HLCS: variants seen among roughly 807,000 people sequenced by gnomAD.
HLCS encodes the protein holocarboxylase synthetase, also known as biotin--protein ligase.
HLCS carries 53 observed loss-of-function variants against 75.0 expected under a neutral mutation model. The observed-to-expected ratio is 0.71, with a 90% CI of 0.57 to 0.89. The LOEUF (loss-of-function observed/expected upper bound fraction) is 0.89. HLCS is among the 40% of genes least tolerant of loss of function. The probability of loss-of-function intolerance (pLI) is 0.00; values close to 1 mark genes in which losing one functional copy is unlikely to be tolerated. For synonymous variants in HLCS, 431 were observed against 428.6 expected, an observed-to-expected ratio of 1.01 and a Z score of -0.07; for missense variants, 966 against 1,074.0, an observed-to-expected ratio of 0.90 and a Z score of 1.41.
At chr21:36,937,823 T>C (rs1398683118) in intron 3 of HLCS, among the ~76,000 whole-genome samples, 5 of 152,214 alleles carry the variant, frequency 3.3e-5, no homozygotes, top group Non-Finnish European at 7.3e-5. Context: ...TCTCAAGACA[T>C]GCCATAGGAT....
In HLCS at chr21:36,767,231, C is replaced by T. The variant is rs1031377645; in HGVS notation, c.1947G>A (p.Gln649=). 4 of 1,614,208 alleles carry T rather than the reference C, an allele frequency of 2.5e-6. No homozygotes were observed. The highest frequency in any genetic ancestry group is 3.4e-6 in the Non-Finnish European group (4 of 1,180,022). ...AAGATGACTGACCTTTGCCCTCGGT[C>T]TGCCGGGCCGCGATCACTATTAAGC... is the stretch of plus-strand genomic sequence containing the variant. ...EMGLIVIAAR[Q]TEGKGRGGNV... The change falls in exon 7 of 11, where the codon CAG becomes CAA. Residue 649 remains glutamine, a synonymous_variant. Coordinates refer to ENST00000674895, the MANE Select transcript of HLCS (RefSeq NM_001352514.2).
intron 6 of HLCS, among the ~76,000 whole-genome samples, chr21:36,851,158 T>G (rs1282994351): frequency 6.6e-6 from 1 of 152,068 alleles, no homozygotes; most frequent in Non-Finnish European, 1.5e-5. Flanking sequence ...TACCATACAA[T>G]CCAGCAATCC....
intron 6 of HLCS, among the ~76,000 whole-genome samples, chr21:36,871,471 C>T (rs1477832335): frequency 6.6e-6 from 1 of 152,092 alleles, no homozygotes; most frequent in East Asian, 1.9e-4. Flanking sequence ...GGGACACAGG[C>T]ACCACCACAG....
At chr21:36,927,635 T>C (rs1018810725) in intron 5 of HLCS, among the ~76,000 whole-genome samples, 5 of 150,434 alleles carry the variant, frequency 3.3e-5, no homozygotes, top group African/African-American at 1.3e-4. Context: ...TATTATTAAC[T>C]GGGACATTGA....
At chr21:36,816,757 T>C (rs1165931436) in intron 6 of HLCS, among the ~76,000 whole-genome samples, 2 of 152,170 alleles carry the variant, frequency 1.3e-5, no homozygotes, top group African/African-American at 4.8e-5. Context: ...TGGAGATACA[T>C]GGCACAGCTC....
intron 2 of HLCS, chr21:36,943,727 G>A (rs935651641): frequency 6.6e-6 from 1 of 152,286 alleles, no homozygotes; most frequent in Admixed American, 6.6e-5. Context: ...GCTGAGGTGG[G>A]ATGATCGCTT....
intron 6 of HLCS, among the ~76,000 whole-genome samples, chr21:36,840,770 G>T (rs570931759): frequency 6.6e-6 from 1 of 151,838 alleles, no homozygotes; most frequent in South Asian, 2.1e-4. Context: ...CCACCACCAC[G>T]CCTGGCTAAT....
intron 6 of HLCS, among the ~76,000 whole-genome samples, chr21:36,802,331 A>G (rs1027389236): frequency 2.0e-5 from 3 of 152,234 alleles, no homozygotes; most frequent in Non-Finnish European, 2.9e-5. Flanking sequence ...TTGGTTGTCC[A>G]GGCAACGCCA....
intron 2 of HLCS, among the ~76,000 whole-genome samples, chr21:36,942,132 C>T (rs997409334): frequency 7.2e-5 from 11 of 151,968 alleles, no homozygotes; most frequent in African/African-American, 2.7e-4. Context: ...AACACTCCAG[C>T]CTGGCACTCC....
At chr21:36,980,334 T>G (rs1391496228) in intron 1 of HLCS, 1 of 152,116 alleles carries the variant, frequency 6.6e-6, no homozygotes, top group African/African-American at 2.4e-5. Flanking sequence ...TGAACTGAAC[T>G]CCTGCCTGTA....
intron 6 of HLCS, among the ~76,000 whole-genome samples, chr21:36,852,221 T>A (rs1392011129): frequency 6.6e-6 from 1 of 152,222 alleles, no homozygotes; most frequent in African/African-American, 2.4e-5. Context: ...CCAGAATACA[T>A]CTACTTTTTT....
rs955012749 is a variant in HLCS, at chr21:36,800,410, C to T, written c.1893-33125G>A. Among the ~76,000 whole-genome samples, 9 of 152,126 alleles carry T rather than the reference C, an allele frequency of 5.9e-5. No homozygotes were observed. In the South Asian group the frequency reaches 1.9e-3, roughly 32 times the overall value. On this transcript the variant is annotated intron_variant, in intron 6 of 10. Transcript: ENST00000674895. The stretch of plus-strand genomic sequence containing the variant: ...AACAGAGACTCTGTGACCAAGCTCT[C>T]CATCAGGTATGGAACAGATGCAGTC...
chr21:36,911,748 CAAA>C (rs11287408), intron 5 of HLCS, among the ~76,000 whole-genome samples: 261 of 47,852 alleles, frequency 5.5e-3, no homozygotes, highest in African/African-American at 0.019. Flanking sequence ...GACTCCGTCT[CAAA>C]AAAAAAAAAA....
chr21:36,927,406 G>T (rs1468766097), intron 5 of HLCS, among the ~76,000 whole-genome samples: 1 of 152,212 alleles, frequency 6.6e-6, no homozygotes, highest in Non-Finnish European at 1.5e-5. Flanking sequence ...TTTCTCTTTG[G>T]GTCTTGCTAC....
In HLCS at chr21:36,756,632, A is replaced by G. The variant is rs749413115; in HGVS notation, c.2360T>C (p.Val787Ala). The G allele has an allele frequency of 6.2e-7, 1 of 1,613,778 alleles. No homozygotes were observed. The highest frequency in any genetic ancestry group is 2.2e-5 in the East Asian group (1 of 44,850). The change falls in exon 10 of 11, where the codon GTC becomes GCC. Residue 787 changes from valine (V) to alanine (A), a missense_variant. Val to Ala is a moderately conservative substitution (Grantham distance 64). Coordinates refer to ENST00000674895, the MANE Select transcript of HLCS (RefSeq NM_001352514.2). ...GATCAGTTTCTCCAGCACAGTCACG[A>G]CTCTGGCGATGAGATAATCGGCTCT... ...PLRADYLIAR[V>A]VTVLEKLIKE... is the part of the protein sequence containing the mutation.
upstream of HLCS, among the ~76,000 whole-genome samples, chr21:36,967,625 C>G (rs993315445): frequency 1.6e-4 from 25 of 152,362 alleles, no homozygotes; most frequent in African/African-American, 4.8e-4. Context: ...AGAATTCCAT[C>G]CAGTGGCTTC....
chr21:36,854,584 C>G (rs1417982745), intron 6 of HLCS, among the ~76,000 whole-genome samples: 1 of 152,110 alleles, frequency 6.6e-6, no homozygotes, highest in African/African-American at 2.4e-5. Flanking sequence ...AGCTTAAGTA[C>G]TGAGTGCACT....
intron 6 of HLCS, among the ~76,000 whole-genome samples, chr21:36,800,725 A>T (rs1417883190): frequency 6.6e-6 from 1 of 152,144 alleles, no homozygotes; most frequent in African/African-American, 2.4e-5. Flanking sequence ...TCCCATCTTC[A>T]GAATGTTTGC....
At chr21:36,858,858 T>G (rs1012151968) in intron 6 of HLCS, among the ~76,000 whole-genome samples, 1 of 152,082 alleles carries the variant, frequency 6.6e-6, no homozygotes, top group African/African-American at 2.4e-5. Context: ...ATTTGCAGAG[T>G]GAGCCAGTTC....
Sources: allele counts gnomAD v4.1 joint callset (sites outside exome capture counted in the v4.1 genomes callset), GRCh38; gene constraint gnomAD v4.1.1; transcripts MANE v1.5; gene names NCBI Gene and HGNC (gene_info 2026-07-23, HGNC 2026-07-21).